Variants in RUNX1T1 observed in about 807,000 individuals in gnomAD.
RUNX1T1 encodes RUNX1 partner transcriptional co-repressor 1, also known as protein CBFA2T1.
A neutral mutation model predicts 62.8 loss-of-function variants in RUNX1T1; 4 were observed. That is an observed-to-expected ratio of 0.06 (90% CI 0.03 to 0.15). The LOEUF (loss-of-function observed/expected upper bound fraction) is 0.15, where lower values mean the gene tolerates loss of function less well. Among genes scored for constraint, RUNX1T1 ranks in the 10% least tolerant of loss-of-function variants. The probability of loss-of-function intolerance (pLI) is 1.00; values close to 1 mark genes in which losing one functional copy is unlikely to be tolerated. For missense variants in RUNX1T1, 508 were observed against 754.3 expected (o/e 0.67, Z 3.82); for synonymous variants, 291 against 286.0 (o/e 1.02, Z -0.18).
chr8:91,972,110 CTTAA>C (rs988718213), intron 9 of RUNX1T1, among the ~76,000 whole-genome samples: 1 of 152,040 alleles, frequency 6.6e-6, no homozygotes, highest in Non-Finnish European at 1.5e-5. Context: ...TAAAAAGCAC[CTTAA>C]TTAAATGTTC....
chr8:92,028,362 G>A (rs904502652), intron 1 of RUNX1T1, among the ~76,000 whole-genome samples: 4 of 152,124 alleles, frequency 2.6e-5, no homozygotes, highest in Admixed American at 6.5e-5. Context: ...ACTGGTGGAT[G>A]CCAGGCATTA....
intron 1 of RUNX1T1, chr8:92,017,760 G>T: frequency 2.0e-6 from 1 of 493,238 alleles, no homozygotes; most frequent in Non-Finnish European, 2.8e-6. Flanking sequence ...CCTGAAGTCT[G>T]TTATGCAGGT....
chr8:92,071,446 A>G (rs1833651924), intron 2 of RUNX1T1: 1 of 152,204 alleles, frequency 6.6e-6, no homozygotes, highest in Non-Finnish European at 1.5e-5. Flanking sequence ...CTGCTGAAAC[A>G]GATTGTTTCA....
At chr8:92,095,124 TTC>T (rs1475513999) in intron 1 of RUNX1T1, 3 of 1,535,460 alleles carry the variant, frequency 2.0e-6, no homozygotes, top group South Asian at 1.2e-5. Context: ...AAAGGCAGAT[TTC>T]TCTTTCTCAC....
chr8:91,994,542 G>A (rs773601606), intron 5 of RUNX1T1: 27 of 489,894 alleles, frequency 5.5e-5, no homozygotes, highest in Non-Finnish European at 9.3e-5. Context: ...CAAGAGACCT[G>A]AGATCTAGTC....
chr8:92,095,580 G>A (rs1470219622), intron 1 of RUNX1T1: 3 of 1,444,804 alleles, frequency 2.1e-6, no homozygotes, highest in Admixed American at 2.7e-5. Context: ...AACAGAGGGT[G>A]CGTGTGAGAC....
intron 10 of RUNX1T1, among the ~76,000 whole-genome samples, chr8:91,965,165 T>G (rs1811312787): frequency 6.6e-6 from 1 of 152,150 alleles, no homozygotes; most frequent in Non-Finnish European, 1.5e-5. Flanking sequence ...CCATTCAAAT[T>G]AAGTGCTATC....
upstream of RUNX1T1, chr8:92,102,871 G>T: frequency 6.6e-7 from 1 of 1,521,864 alleles, no homozygotes; most frequent in Non-Finnish European, 8.8e-7. This position sits in a 1 kb window ranked among gnomAD's most constrained non-coding sequence, Gnocchi z 4.5. Context: ...CACAGGGCCG[G>T]AGAGTCCCAC....
intron 1 of RUNX1T1, among the ~76,000 whole-genome samples, chr8:92,046,478 C>T (rs1182346391): frequency 6.6e-6 from 1 of 152,170 alleles, no homozygotes; most frequent in Non-Finnish European, 1.5e-5. Context: ...ATCCTCCCAC[C>T]TCAGCCTCCC....
chr8:92,100,237 C>T (rs1048393094), upstream of RUNX1T1, among the ~76,000 whole-genome samples: 1 of 151,932 alleles, frequency 6.6e-6, no homozygotes, highest in Non-Finnish European at 1.5e-5. Flanking sequence ...AGGAAAATAT[C>T]ATTTCAAAGA....
chr8:92,055,904 T>C (rs1830959665), intron 1 of RUNX1T1, among the ~76,000 whole-genome samples: 1 of 152,210 alleles, frequency 6.6e-6, no homozygotes, highest in African/African-American at 2.4e-5. Context: ...AATGAAGTGT[T>C]ACTGTAACTG....
intron 4 of RUNX1T1, among the ~76,000 whole-genome samples, chr8:92,007,984 A>AAG (rs1821124780): frequency 6.7e-6 from 1 of 150,316 alleles, no homozygotes; most frequent in Non-Finnish European, 1.5e-5. Context: ...AAAAAAAAAA[A>AAG]AAAGAAAGAA....
At chr8:91,994,345 T>A (rs1413272512) in intron 5 of RUNX1T1, 1 of 186,282 alleles carries the variant, frequency 5.4e-6, no homozygotes, top group African/African-American at 2.4e-5. Context: ...AATATACCCA[T>A]GTGATTCTAA....
chr8:92,028,996 T>A (rs978970267), intron 1 of RUNX1T1, among the ~76,000 whole-genome samples: 7 of 152,204 alleles, frequency 4.6e-5, no homozygotes, highest in Non-Finnish European at 1.0e-4. Flanking sequence ...ATAGAGAAGG[T>A]TCAGAGAGCT....
At chr8:92,096,329 G>C (rs780219243) in intron 1 of RUNX1T1, among the ~76,000 whole-genome samples, 2 of 152,086 alleles carry the variant, frequency 1.3e-5, no homozygotes, top group Non-Finnish European at 2.9e-5. Context: ...AATCAATCTC[G>C]GCTTGAGCTG....
chr8:91,999,124 C>T (rs1204296003), intron 5 of RUNX1T1, among the ~76,000 whole-genome samples: 1 of 152,134 alleles, frequency 6.6e-6, no homozygotes, highest in Non-Finnish European at 1.5e-5. Flanking sequence ...TTATTTAGGG[C>T]AGACTTTAAT....
chr8:91,979,511 C>T (rs563827447), intron 8 of RUNX1T1, among the ~76,000 whole-genome samples: 12 of 151,674 alleles, frequency 7.9e-5, no homozygotes, highest in African/African-American at 2.7e-4. Flanking sequence ...AAATGTTAAA[C>T]GTATATATAT....
chr8:92,097,901 G>A (rs1302518188), intron 1 of RUNX1T1, among the ~76,000 whole-genome samples: 1 of 152,138 alleles, frequency 6.6e-6, no homozygotes, highest in Admixed American at 6.5e-5. Flanking sequence ...GAAAAAAACA[G>A]CAATACAATA....
At chr8:92,103,217 C>G (rs887164833), upstream of RUNX1T1, 1 of 303,444 alleles carries the variant, frequency 3.3e-6, no homozygotes, top group Non-Finnish European at 6.0e-6. Context: ...CTGTGGCAGA[C>G]AAATGTGATG....
Sources: allele counts gnomAD v4.1 joint callset (sites outside exome capture counted in the v4.1 genomes callset), GRCh38; gene constraint gnomAD v4.1.1; non-coding constraint Gnocchi (gnomAD v3.1); transcripts MANE v1.5; gene names NCBI Gene and HGNC (gene_info 2026-07-23, HGNC 2026-07-21).